WFDC13: variants seen among roughly 807,000 people sequenced by gnomAD.
The protein encoded by WFDC13 is WAP four-disulfide core domain protein 13.
Under a neutral mutation model 10.9 loss-of-function variants are expected in WFDC13, and 6 were observed. The observed-to-expected ratio is 0.55, with a 90% confidence interval of 0.30 to 1.09. The LOEUF is 1.09. Among genes scored for constraint, WFDC13 ranks in the 50% least tolerant of loss-of-function variants. The probability of loss-of-function intolerance (pLI) is 0.06; values close to 1 mark genes in which losing one functional copy is unlikely to be tolerated. For synonymous variants in WFDC13, 38 were observed against 39.5 expected (o/e 0.96, Z 0.14); for missense variants, 104 against 109.6 (o/e 0.95, Z 0.23).
rs199682760 is a variant in WFDC13, at chr20:45,704,904, C to T, written c.239+310C>T. ...CCCGACCCAGAATCCACCCTTATCC[C>T]AGGGACACTGTACCTGCAGGTGTAA... On this transcript the variant is annotated intron_variant, in intron 2 of 3. Transcript: ENST00000305479. 56 of 1,613,672 alleles carry T rather than the reference C, an allele frequency of 3.5e-5. No individual in the cohort carries two copies. In the East Asian group the frequency reaches 7.4e-4, roughly 21 times the overall value.
rs1412378478 is a variant in WFDC13 at position 45,708,384 on chromosome 20, G to A, written c.*549G>A. The A allele has an allele frequency of 6.6e-6, 1 of 152,080 alleles. No individual in the cohort carries two copies. The highest frequency in any genetic ancestry group is 1.5e-5 in the Non-Finnish European group (1 of 68,120). The allele number at this position is 152,080 out of a possible 1,614,324, so 9.4% of individuals were successfully genotyped here. A position where few individuals can be genotyped will look rare whatever the true frequency, so the allele number is the denominator to read the frequency against. On this transcript the variant is annotated 3_prime_UTR_variant, in exon 4 of 4. Coordinates refer to ENST00000305479, the MANE Select transcript of WFDC13 (RefSeq NM_172005.2). The stretch of plus-strand genomic sequence containing the variant: ...ATCAGTGACTAAGAGGCTGCAATAA[G>A]GTGCCATGAAATCAAAATCAAAGGG...
rs746007378 is a variant in WFDC13 at position 45,704,546 on chromosome 20, C to T, written c.191C>T (p.Ser64Phe). 1.2e-6 allele frequency: 2 copies of T among 1,614,198 alleles called. No individual in the cohort carries two copies. The highest frequency in any genetic ancestry group is 1.7e-6 in the Non-Finnish European group (2 of 1,180,044). Reference protein sequence around the residue: ...DCEKGFQCCSSFCGIVCSSET... With the variant: ...DCEKGFQCCSFFCGIVCSSET... The stretch of plus-strand genomic sequence containing the variant: ...GAGAAAGGATTTCAGTGCTGTTCCT[C>T]CTTCTGTGGGATAGTCTGTTCATCA... The change falls in exon 2 of 4, where the codon TCC becomes TTC. Residue 64 changes from serine (S) to phenylalanine (F), a missense_variant. Coordinates refer to ENST00000305479, the MANE Select transcript of WFDC13 (RefSeq NM_172005.2).
rs144436492 is a variant in WFDC13 at position 45,704,197 on chromosome 20, G to A, written c.89-247G>A. On this transcript the variant is annotated intron_variant, in intron 1 of 3. Transcript: ENST00000305479. Reference sequence around the variant, plus strand: ...GCTTGGCATCTGAACTACAAGGATGGTGAATGACCAATGGGTGCAGGGTTC... The same window carrying A: ...GCTTGGCATCTGAACTACAAGGATGATGAATGACCAATGGGTGCAGGGTTC... 1.7e-3 allele frequency among the ~76,000 whole-genome samples: 266 copies of A among 152,326 alleles called. 2 individuals carry two copies. The highest frequency in any genetic ancestry group is 5.7e-3 in the African/African-American group (238 of 41,568).
intron 2 of WFDC13, chr20:45,704,946 A>G: frequency 6.2e-7 from 1 of 1,614,028 alleles, no homozygotes; most frequent in Non-Finnish European, 8.5e-7. Context: ...TCCCAAAGCA[A>G]AATTTGTCCT....
chr20:45,702,296 T>C, intron 1 of WFDC13, 85 bp downstream of exon 1: 1 of 1,350,086 alleles, frequency 7.4e-7, no homozygotes, highest in South Asian at 1.3e-5. Flanking sequence ...TCACACCTCT[T>C]GGAAAAATAC....
chr20:45,707,683 C>T (rs1984450093), intron 3 of WFDC13, among the ~76,000 whole-genome samples, 175 bp from the exon 4 acceptor site: 1 of 152,134 alleles, frequency 6.6e-6, no homozygotes. Context: ...CTATGACAGC[C>T]TCATGTTAGA....
intron 2 of WFDC13, chr20:45,705,280 A>G: frequency 2.3e-6 from 1 of 425,900 alleles, no homozygotes; most frequent in Non-Finnish European, 4.3e-6. Context: ...AAATTTCAAA[A>G]GACTCACAGT....
rs775855340 is a variant in WFDC13, at chr20:45,705,906, G to A, written c.*1G>A. 6 of 1,613,964 alleles carry A rather than the reference G, an allele frequency of 3.7e-6. No homozygotes were observed. In the East Asian group the frequency reaches 1.1e-4, roughly 30 times the overall value. On this transcript the variant is annotated 3_prime_UTR_variant, in exon 3 of 4. Transcript: ENST00000305479. ...AGAAGTCATCATGCCTGCCAACTGA[G>A]GCATATTTCCTAGATCATTTTGTAA...
At chr20:45,706,338 T>C (rs1280951484) in intron 3 of WFDC13, among the ~76,000 whole-genome samples, 2 of 152,098 alleles carry the variant, frequency 1.3e-5, no homozygotes, top group Admixed American at 6.5e-5. Flanking sequence ...ATGTGAAATA[T>C]GAAGAAAACA....
chr20:45,704,626 T>C lies in WFDC13; in HGVS notation c.239+32T>C, dbSNP rs753649665. 1.2e-5 allele frequency: 19 copies of C among 1,609,646 alleles called. 1 individual carries two copies. In the South Asian group the frequency reaches 2.0e-4, roughly 17 times the overall value. On this transcript the variant is annotated intron_variant, in intron 2 of 3. Coordinates refer to ENST00000305479, the MANE Select transcript of WFDC13 (RefSeq NM_172005.2). ...GATATCTCATATCCAGGTCTGATCC[T>C]AGAGCTGCTGGTGGGAGCCCAGCAG...
intron 1 of WFDC13, among the ~76,000 whole-genome samples, chr20:45,702,838 ACC>A (rs1984222511): frequency 1.3e-5 from 2 of 152,272 alleles, no homozygotes; most frequent in Admixed American, 1.3e-4. Context: ...CTTAACCAAT[ACC>A]AAGTGGGAAA....
chr20:45,704,566 T>C lies in WFDC13; in HGVS notation c.211T>C (p.Ser71Pro). The C allele has an allele frequency of 6.2e-7, 1 of 1,614,174 alleles. No individual in the cohort carries two copies. The highest frequency in any genetic ancestry group is 1.1e-5 in the South Asian group (1 of 91,082). The change falls in exon 2 of 4, where the codon TCA becomes CCA. Residue 71 changes from serine to proline, a missense_variant. Physicochemically the swap from Ser to Pro is moderately conservative, Grantham distance 74. Transcript: ENST00000305479. Reference protein sequence around the residue: ...CCSSFCGIVCSSETFQKRNRI... With the variant: ...CCSSFCGIVCPSETFQKRNRI... ...TTCCTCCTTCTGTGGGATAGTCTGTTCATCAGAAACATTTCAAAAGCGCAA... is the reference window on the plus strand; with the variant it reads ...TTCCTCCTTCTGTGGGATAGTCTGTCCATCAGAAACATTTCAAAAGCGCAA...
chr20:45,706,275 G>A (rs1440513274), intron 3 of WFDC13, among the ~76,000 whole-genome samples: 4 of 152,126 alleles, frequency 2.6e-5, no homozygotes, highest in South Asian at 2.1e-4. Context: ...AGCCCTTCAC[G>A]CTCTGAGACT....
At chr20:45,702,793 C>T (rs1984220077) in intron 1 of WFDC13, among the ~76,000 whole-genome samples, 1 of 152,224 alleles carries the variant, frequency 6.6e-6, no homozygotes, top group Non-Finnish European at 1.5e-5. Context: ...CTGCCCAGCT[C>T]AACTCAAAAG....
In WFDC13 at chr20:45,704,487, C is replaced by T. The variant is rs1371582777; in HGVS notation, c.132C>T (p.Asn44=). 2 of 1,613,974 alleles carry T rather than the reference C, an allele frequency of 1.2e-6. No homozygotes were observed. The highest frequency in any genetic ancestry group is 4.5e-5 in the East Asian group (2 of 44,880). ...CACCCTGCATATCAGCACCTGAAAA[C>T]TGTACTCACCTGTGTACAATGCAGG... The part of the protein sequence containing the change: ...EPPPCISAPE[N]CTHLCTMQED... The change falls in exon 2 of 4, where the codon AAC becomes AAT. Residue 44 remains asparagine, a synonymous_variant. Coordinates refer to ENST00000305479, the MANE Select transcript of WFDC13 (RefSeq NM_172005.2).
chr20:45,703,592 G>A (rs891376436), intron 1 of WFDC13, among the ~76,000 whole-genome samples: 1 of 152,154 alleles, frequency 6.6e-6, no homozygotes, highest in Non-Finnish European at 1.5e-5. Context: ...GGAAGGGCTT[G>A]GGGAAAGGGA....
intron 3 of WFDC13, among the ~76,000 whole-genome samples, 167 bp downstream of exon 3, chr20:45,706,094 C>T (rs1984380589): frequency 6.6e-6 from 1 of 152,162 alleles, no homozygotes; most frequent in Non-Finnish European, 1.5e-5. Context: ...TATCTTTGCA[C>T]TCCCTGGGGG....
chr20:45,706,010 A>G, intron 3 of WFDC13, 83 bp downstream of exon 3: 5 of 1,192,766 alleles, frequency 4.2e-6, no homozygotes, highest in Middle Eastern at 1.9e-4. Context: ...CACCAGGGGC[A>G]CTACATTCCC....
intron 1 of WFDC13, among the ~76,000 whole-genome samples, chr20:45,703,252 G>T (rs775644251): frequency 6.6e-6 from 1 of 152,178 alleles, no homozygotes; most frequent in Non-Finnish European, 1.5e-5. Flanking sequence ...GTGTGGATTA[G>T]TTCCAATTTC....
Sources: allele counts gnomAD v4.1 joint callset (sites outside exome capture counted in the v4.1 genomes callset), GRCh38; gene constraint gnomAD v4.1.1; transcripts MANE v1.5; gene names NCBI Gene and HGNC (gene_info 2026-07-23, HGNC 2026-07-21).